The following LMNB1 variants were observed in gnomAD, a reference collection of about 807,000 sequenced individuals.
LMNB1 encodes lamin B1.
A neutral mutation model predicts 67.1 loss-of-function variants in LMNB1; 23 were observed. The observed-to-expected ratio is 0.34, with a 90% CI of 0.25 to 0.49. The LOEUF (loss-of-function observed/expected upper bound fraction) is 0.49, where lower values mean the gene tolerates loss of function less well. LMNB1 is among the 20% of genes least tolerant of loss of function. LMNB1 has a pLI of 0.99. For missense variants in LMNB1, 634 were observed against 746.5 expected (o/e 0.85, Z 1.76); for synonymous variants, 281 against 282.9 (o/e 0.99, Z 0.07).
At chr5:126,796,825 T>C (rs1751108272) in intron 1 of LMNB1, among the ~76,000 whole-genome samples, 1 of 147,632 alleles carries the variant, frequency 6.8e-6, no homozygotes, top group Non-Finnish European at 1.5e-5. Context: ...GCTTCGCTCT[T>C]TGACCCAGTT....
At chr5:126,825,656 T>C (rs2126733756) in intron 8 of LMNB1, among the ~76,000 whole-genome samples, 1 of 152,332 alleles carries the variant, frequency 6.6e-6, no homozygotes, top group Admixed American at 6.5e-5. Flanking sequence ...TAATCGCACC[T>C]GTTACAGGTG....
chr5:126,780,326 G>GC (rs1163538109), intron 1 of LMNB1, among the ~76,000 whole-genome samples: 2 of 152,216 alleles, frequency 1.3e-5, no homozygotes, highest in Non-Finnish European at 2.9e-5. Flanking sequence ...CTATATCCCA[G>GC]CAAGTAAAGA....
At position 126,832,747 on chromosome 5, in the gene LMNB1, G is replaced by T; in HGVS notation, c.1665G>T (p.Glu555Asp). The T allele has an allele frequency of 6.2e-7, 1 of 1,613,118 alleles. No homozygotes were observed. The highest frequency in any genetic ancestry group is 1.1e-5 in the South Asian group (1 of 91,014). The change falls in exon 10 of 11, where the codon GAG becomes GAT. Residue 555 changes from glutamate to aspartate, a missense_variant. Glu to Asp is a conservative substitution (Grantham distance 45, BLOSUM62 2). Coordinates refer to ENST00000261366, the MANE Select transcript of LMNB1 (RefSeq NM_005573.4). ...VFKTTIPEEE[E>D]EEEEAAGVVV... ...AAACAACCATACCTGAAGAAGAGGA[G>T]GAGGAGGAAGAAGCAGCTGGAGTGG...
intron 3 of LMNB1, among the ~76,000 whole-genome samples, chr5:126,807,066 C>T (rs113810797): frequency 1.3e-3 from 200 of 152,306 alleles, no homozygotes; most frequent in Non-Finnish European, 1.3e-3. Context: ...CGTGAGCCAC[C>T]GTGCCCGGCT....
rs1458466621 is a variant in LMNB1, at chr5:126,811,887, C to A, written c.928C>A (p.Leu310Ile). ...IESLSSQLSN[L>I]QKESRACLER... ...GAGCCTTTCATCCCAGCTTTCTAATCTACAGAAAGAGGTAAATAATCATCT... is the reference window on the plus strand; with the variant it reads ...GAGCCTTTCATCCCAGCTTTCTAATATACAGAAAGAGGTAAATAATCATCT... The change falls in exon 5 of 11, where the codon CTA becomes ATA. Residue 310 changes from leucine to isoleucine, a missense_variant. Coordinates refer to ENST00000261366, the MANE Select transcript of LMNB1 (RefSeq NM_005573.4). The A allele has an allele frequency of 1.2e-6, 2 of 1,611,368 alleles. No homozygotes were observed. The highest frequency in any genetic ancestry group is 2.7e-5 in the African/African-American group (2 of 74,870).
intron 8 of LMNB1, among the ~76,000 whole-genome samples, chr5:126,823,427 C>T (rs1160521935): frequency 6.6e-6 from 1 of 152,076 alleles, no homozygotes; most frequent in Non-Finnish European, 1.5e-5. Flanking sequence ...TTCTGAAATA[C>T]TACATCTTTA....
At chr5:126,808,223 G>A (rs908450462) in intron 3 of LMNB1, among the ~76,000 whole-genome samples, 2 of 151,336 alleles carry the variant, frequency 1.3e-5, no homozygotes, top group East Asian at 1.9e-4. Flanking sequence ...TCACTCTGTT[G>A]CCCAGGCTGG....
Position 126,820,980 on chromosome 5 carries a change from A to G in LMNB1, c.1231A>G (p.Thr411Ala), listed in dbSNP as rs767379200. 2 of 1,614,148 alleles carry G rather than the reference A, an allele frequency of 1.2e-6. No individual in the cohort carries two copies. The highest frequency in any genetic ancestry group is 1.7e-6 in the Non-Finnish European group (2 of 1,180,028). Residue 411 changes from threonine (T) to alanine (A), a missense_variant, in exon 7 of 11, where the codon ACA becomes GCA. Transcript: ENST00000261366. ...AGCATCCTCAAGTCGTAGTGTACGTACAACTAGAGGAAAGCGGAAGAGGGT... is the reference window on the plus strand; with the variant it reads ...AGCATCCTCAAGTCGTAGTGTACGTGCAACTAGAGGAAAGCGGAAGAGGGT... ...SRASSSRSVRTTRGKRKRVDV... is the reference protein window; with the variant it reads ...SRASSSRSVRATRGKRKRVDV...
rs1281538451 is a variant in LMNB1 at position 126,790,451 on chromosome 5, G to A, written c.359+12584G>A. Reference sequence around the variant, plus strand: ...GTGCAGAATGCAGGAGTTGTCAGAAGCAACATATGTTATAGCAGAAATACT... The same window carrying A: ...GTGCAGAATGCAGGAGTTGTCAGAAACAACATATGTTATAGCAGAAATACT... On this transcript the variant is annotated intron_variant, in intron 1 of 10. Coordinates refer to ENST00000261366, the MANE Select transcript of LMNB1 (RefSeq NM_005573.4). 3.3e-5 allele frequency among the ~76,000 whole-genome samples: 5 copies of A among 152,066 alleles called. No homozygotes were observed. In the East Asian group the frequency reaches 9.6e-4, roughly 29 times the overall value.
At chr5:126,831,156 T>G (rs1300671244) in intron 9 of LMNB1, among the ~76,000 whole-genome samples, 1 of 152,236 alleles carries the variant, frequency 6.6e-6, no homozygotes, top group African/African-American at 2.4e-5. Flanking sequence ...GGGTTTTGAT[T>G]TTCTTTCTCT....
At chr5:126,820,256 G>A (rs1178851534) in intron 6 of LMNB1, among the ~76,000 whole-genome samples, 1 of 152,144 alleles carries the variant, frequency 6.6e-6, no homozygotes, top group Non-Finnish European at 1.5e-5. Context: ...GTACAGGTAC[G>A]AAAAGAGAAA....
intron 7 of LMNB1, 65 bp from the exon 8 acceptor site, chr5:126,822,716 T>G: frequency 1.0e-6 from 1 of 967,334 alleles, no homozygotes; most frequent in Non-Finnish European, 1.6e-6. Context: ...GATTAATTTA[T>G]TTGATTATTC....
rs1233474658 is a variant in LMNB1, at chr5:126,777,748, G to C, written c.240G>C (p.Ala80=). 6.5e-7 allele frequency: 1 copy of C among 1,536,034 alleles called. No homozygotes were observed. The highest frequency in any genetic ancestry group is 2.0e-5 in the Admixed American group (1 of 50,298). Residue 80 remains alanine, a synonymous_variant, in exon 1 of 11, where the codon GCG becomes GCC. Transcript: ENST00000261366. ...GCCGTGAGCTCACCGGCCTCAAGGC[G>C]CTCTACGAGACCGAGCTGGCCGACG... ...VRGRELTGLK[A]LYETELADAR... is the part of the protein sequence containing the mutation.
intron 1 of LMNB1, among the ~76,000 whole-genome samples, chr5:126,799,725 A>C (rs1238910963): frequency 6.6e-6 from 1 of 152,172 alleles, no homozygotes; most frequent in African/African-American, 2.4e-5. Flanking sequence ...TATGTCTCAA[A>C]ACTAGGGACC....
chr5:126,821,019 T>C lies in LMNB1; in HGVS notation c.1270T>C (p.Ser424Pro). ...GKRKRVDVEESEASSSVSISH... is the reference protein window; with the variant it reads ...GKRKRVDVEEPEASSSVSISH... ...GCGGAAGAGGGTTGATGTGGAAGAA[T>C]CAGAGGCGAGTAGTAGTGTTAGCAT... The change falls in exon 7 of 11, where the codon TCA becomes CCA. Residue 424 changes from serine (S) to proline (P), a missense_variant. By Grantham distance (74) the Ser-to-Pro change is moderately conservative (BLOSUM62 -1). Coordinates refer to ENST00000261366, the MANE Select transcript of LMNB1 (RefSeq NM_005573.4). 1.9e-6 allele frequency: 3 copies of C among 1,614,070 alleles called. No homozygotes were observed. The highest frequency in any genetic ancestry group is 2.5e-6 in the Non-Finnish European group (3 of 1,179,940).
intron 1 of LMNB1, among the ~76,000 whole-genome samples, chr5:126,796,168 A>C (rs1239498555): frequency 6.6e-6 from 1 of 151,878 alleles, no homozygotes; most frequent in African/African-American, 2.4e-5. Flanking sequence ...ACCTCAGGTG[A>C]TCCGCCAGCC....
At chr5:126,793,223 T>C (rs1366192556) in intron 1 of LMNB1, among the ~76,000 whole-genome samples, 18 of 152,308 alleles carry the variant, frequency 1.2e-4, no homozygotes, top group East Asian at 1.9e-4. Context: ...GTAGTAGTTA[T>C]TGGTTTTTCT....
chr5:126,783,027 C>G (rs1750670520), intron 1 of LMNB1, among the ~76,000 whole-genome samples: 3 of 151,412 alleles, frequency 2.0e-5, no homozygotes, highest in African/African-American at 7.3e-5. Flanking sequence ...CTGTGAAACC[C>G]CATCTCCATA....
chr5:126,796,098 A>G (rs751420167), intron 1 of LMNB1, among the ~76,000 whole-genome samples: 35 of 150,706 alleles, frequency 2.3e-4, no homozygotes, highest in Non-Finnish European at 3.8e-4. Context: ...ACGCCCGGCC[A>G]ATTTTGTATT....
Sources: gnomAD v4.1 joint callset for allele counts (sites outside exome capture counted in the v4.1 genomes callset) on GRCh38, gnomAD v4.1.1 for gene constraint, MANE v1.5 for transcripts, NCBI Gene and HGNC (gene_info 2026-07-23, HGNC 2026-07-21) for gene names.